Variants in TMEM144 observed in about 807,000 individuals in gnomAD.
The protein encoded by TMEM144 is transmembrane protein 144.
A neutral mutation model predicts 43.6 loss-of-function variants in TMEM144; 39 were observed. That is an observed-to-expected ratio of 0.90 (90% CI 0.69 to 1.17). The LOEUF is 1.17. Among genes scored for constraint, TMEM144 ranks in the 50% most tolerant of loss-of-function variants. TMEM144 has a pLI of 0.00. For synonymous variants in TMEM144, 154 were observed against 133.6 expected (o/e 1.15, Z -1.06); for missense variants, 417 against 411.9 (o/e 1.01, Z -0.11).
chr4:158,214,319 C>T (rs913893784), intron 3 of TMEM144, among the ~76,000 whole-genome samples: 7 of 152,180 alleles, frequency 4.6e-5, no homozygotes, highest in African/African-American at 7.2e-5. Context: ...TAAGCCACCA[C>T]GCCTGGCTGA....
intron 6 of TMEM144, among the ~76,000 whole-genome samples, chr4:158,228,787 C>T (rs1228910756): frequency 6.6e-6 from 1 of 152,158 alleles, no homozygotes; most frequent in Non-Finnish European, 1.5e-5. Context: ...ACTCCTCAGA[C>T]ACGGAGTTAA....
In TMEM144 at chr4:158,217,532, C is replaced by A; in HGVS notation, c.332+112C>A. 7.9e-6 allele frequency: 6 copies of A among 756,720 alleles called. No individual in the cohort carries two copies. In the South Asian group the frequency reaches 1.1e-4, roughly 14 times the overall value. 46.9% of individuals were successfully genotyped at this position (756,720 alleles called of 1,614,324 possible). ...ATTCTTATTCTCACAGAGTTTATAG[C>A]TGGTAAAACATACACATCATATATG... On this transcript the variant is annotated intron_variant, in intron 5 of 12. Transcript: ENST00000296529.
chr4:158,215,337 T>A (rs1348307721), intron 4 of TMEM144, 24 bp downstream of exon 4: 5 of 1,608,484 alleles, frequency 3.1e-6, no homozygotes, highest in Non-Finnish European at 4.2e-6. Flanking sequence ...TAACTTATAC[T>A]TTTATTATGT....
At chr4:158,225,933 A>T (rs1442431718) in intron 6 of TMEM144, among the ~76,000 whole-genome samples, 1 of 152,060 alleles carries the variant, frequency 6.6e-6, no homozygotes, top group African/African-American at 2.4e-5. Flanking sequence ...ATGACTTATT[A>T]CTCCAGGCTA....
intron 5 of TMEM144, among the ~76,000 whole-genome samples, chr4:158,218,031 C>A (rs1057275781): frequency 6.6e-6 from 1 of 152,134 alleles, no homozygotes; most frequent in Non-Finnish European, 1.5e-5. Context: ...ATAACTGACC[C>A]ACAAAGCCTA....
intron 8 of TMEM144, 43 bp from the exon 9 acceptor site, chr4:158,237,482 C>G (rs369715343): frequency 2.7e-6 from 4 of 1,473,566 alleles, no homozygotes; most frequent in Non-Finnish European, 3.8e-6. Context: ...GTCAGAAATA[C>G]TGCTTTGAGC....
At position 158,212,710 on chromosome 4, in the gene TMEM144, T is replaced by A; in HGVS notation, c.43T>A (p.Cys15Ser). 6.2e-7 allele frequency: 1 copy of A among 1,613,854 alleles called. No homozygotes were observed. ...AGACCTAACCTTTGGTTACATCTCC[T>A]GTTTTGTAGCTATCCTTTTGTTTGG... ...GADLTFGYIS[C>S]FVAILLFGSN... Residue 15 changes from cysteine to serine, a missense_variant, in exon 3 of 13, where the codon TGT becomes AGT. By Grantham distance (112) the Cys-to-Ser change is moderately radical. Transcript: ENST00000296529.
intron 6 of TMEM144, among the ~76,000 whole-genome samples, chr4:158,222,669 T>C (rs1444208727): frequency 1.3e-5 from 2 of 152,222 alleles, no homozygotes; most frequent in Non-Finnish European, 1.5e-5. Context: ...ATTTTCTATA[T>C]ACACCATTCC....
chr4:158,248,504 A>G (rs755372574), intron 12 of TMEM144, among the ~76,000 whole-genome samples: 4 of 152,214 alleles, frequency 2.6e-5, no homozygotes, highest in Admixed American at 6.5e-5. Flanking sequence ...GTCCAATGGT[A>G]CTTATTCAAT....
Position 158,245,244 on chromosome 4 carries a change from GTGTGTGTGTGTGTGTGTGTA to G in TMEM144, c.954+899_954+918del, listed in dbSNP as rs1251202159. On this transcript the variant is annotated intron_variant, in intron 12 of 12. Transcript: ENST00000296529. Reference sequence around the variant, plus strand: ...TGTGTGTGTGTGTGTGTGTGTGTGTGTGTGTGTGTGTGTGTGTGTATGTATGTTTTCTTTAAAAATCACTT... The same window carrying G: ...TGTGTGTGTGTGTGTGTGTGTGTGTGTGTATGTTTTCTTTAAAAATCACTT... Among the ~76,000 whole-genome samples, 79 of 107,882 alleles carry G rather than the reference GTGTGTGTGTGTGTGTGTGTA, an allele frequency of 7.3e-4. 1 individual carries two copies. The highest frequency in any genetic ancestry group is 3.1e-3 in the East Asian group (14 of 4,456). The allele number at this position is 107,882 out of a possible 152,430, so 70.8% of individuals were successfully genotyped here. A position where few individuals can be genotyped will look rare whatever the true frequency, so the allele number is the denominator to read the frequency against.
In TMEM144 at chr4:158,228,781, C is replaced by T. The variant is rs200640753; in HGVS notation, c.414-4120C>T. On this transcript the variant is annotated intron_variant, in intron 6 of 12. Coordinates refer to ENST00000296529, the MANE Select transcript of TMEM144 (RefSeq NM_018342.5). ...GCAGGAGGAGCCGCAGACAAAACTC[C>T]TCAGACACGGAGTTAAAGAAGGAAG... is the stretch of plus-strand genomic sequence containing the variant. Among the ~76,000 whole-genome samples the T allele has an allele frequency of 1.4e-4, 22 of 152,252 alleles. No individual in the cohort carries two copies. In the East Asian group the frequency reaches 4.1e-3, roughly 28 times the overall value.
At chr4:158,242,383 C>T (rs756474576) in intron 11 of TMEM144, among the ~76,000 whole-genome samples, 2 of 152,154 alleles carry the variant, frequency 1.3e-5, no homozygotes, top group African/African-American at 4.8e-5. Flanking sequence ...AAGAGTTAGT[C>T]CCTACCCTCA....
intron 9 of TMEM144, 76 bp from the exon 10 acceptor site, chr4:158,240,223 G>C: frequency 6.6e-7 from 1 of 1,508,124 alleles, no homozygotes; most frequent in South Asian, 1.3e-5. Flanking sequence ...TAATTCTGGT[G>C]AGTTTATTTT....
chr4:158,210,941 T>C (rs1733929170), intron 1 of TMEM144: 1 of 152,218 alleles, frequency 6.6e-6, no homozygotes, highest in Non-Finnish European at 1.5e-5. Context: ...TTAATATAGT[T>C]TGACAAAATA....
intron 9 of TMEM144, among the ~76,000 whole-genome samples, chr4:158,238,141 C>T (rs566092625): frequency 6.6e-6 from 1 of 152,286 alleles, no homozygotes; most frequent in South Asian, 2.1e-4. Context: ...CAAGAGTAAA[C>T]TCAATACTAT....
At chr4:158,229,585 G>C (rs1462899162) in intron 6 of TMEM144, among the ~76,000 whole-genome samples, 1 of 152,164 alleles carries the variant, frequency 6.6e-6, no homozygotes, top group East Asian at 1.9e-4. Context: ...AGATTCCTCA[G>C]AACTACTGGA....
chr4:158,220,033 T>C (rs1734434397), intron 6 of TMEM144, among the ~76,000 whole-genome samples: 2 of 152,272 alleles, frequency 1.3e-5, no homozygotes, highest in African/African-American at 4.8e-5. Flanking sequence ...AAATTCAGTC[T>C]TCTTTCCCCT....
intron 8 of TMEM144, among the ~76,000 whole-genome samples, chr4:158,236,391 C>T (rs1190824858): frequency 1.3e-5 from 2 of 151,894 alleles, no homozygotes; most frequent in Non-Finnish European, 1.5e-5. Context: ...TTTCACAAAG[C>T]CTCCCCTTCA....
chr4:158,225,383 G>A (rs1412965830), intron 6 of TMEM144, among the ~76,000 whole-genome samples: 1 of 152,180 alleles, frequency 6.6e-6, no homozygotes, highest in African/African-American at 2.4e-5. Flanking sequence ...TGAAAAGCTT[G>A]TTGCTGTTGG....
Sources: gnomAD v4.1 joint callset for allele counts (sites outside exome capture counted in the v4.1 genomes callset) on GRCh38, gnomAD v4.1.1 for gene constraint, MANE v1.5 for transcripts, NCBI Gene and HGNC (gene_info 2026-07-23, HGNC 2026-07-21) for gene names.